EYA2: variants seen among roughly 807,000 people sequenced by gnomAD.
The protein encoded by EYA2 is EYA transcriptional coactivator and phosphatase 2.
Under a neutral mutation model 69.2 loss-of-function variants are expected in EYA2, and 31 were observed. The observed-to-expected ratio is 0.45, with a 90% CI of 0.34 to 0.60. The LOEUF (loss-of-function observed/expected upper bound fraction) is 0.60. Ranked by LOEUF, EYA2 falls within the 20% of genes least tolerant of loss-of-function variation. EYA2 has a pLI of 0.02. For missense variants in EYA2, 622 were observed against 701.2 expected, an observed-to-expected ratio of 0.89 and a Z score of 1.28; for synonymous variants, 257 against 279.4, an observed-to-expected ratio of 0.92 and a Z score of 0.80.
Position 47,061,212 on chromosome 20 carries a change from G to A in EYA2, c.416-10973G>A, listed in dbSNP as rs12480186. On this transcript the variant is annotated intron_variant, in intron 5 of 15. Coordinates refer to ENST00000327619, the MANE Select transcript of EYA2 (RefSeq NM_005244.5). ...TCTCTTGTCCTACCCCATTTCCCTA[G>A]CCTTGAAGAATTGCCCTCCTTTAAG... Among the ~76,000 whole-genome samples, 4 of 152,038 alleles carry A rather than the reference G, an allele frequency of 2.6e-5. No homozygotes were observed. In the South Asian group the frequency reaches 8.3e-4, roughly 32 times the overall value.
At chr20:47,026,773 TG>T (rs1984112445) in intron 5 of EYA2, among the ~76,000 whole-genome samples, 1 of 152,270 alleles carries the variant, frequency 6.6e-6, no homozygotes, top group East Asian at 1.9e-4. Context: ...CCACCAACGC[TG>T]GGGATAGTGG....
intron 1 of EYA2, among the ~76,000 whole-genome samples, chr20:46,956,465 C>T (rs1287629898): frequency 6.6e-6 from 1 of 152,198 alleles, no homozygotes; most frequent in Non-Finnish European, 1.5e-5. Flanking sequence ...ATGTGGTCAA[C>T]CAAGGGCCCA....
chr20:47,033,855 A>G lies in EYA2; in HGVS notation c.415+17558A>G, dbSNP rs549978531. ...GATCAACTTTGATTGCATTCAAGCC[A>G]GTGGGATATTGGGGATGTTTGTTAC... is the stretch of plus-strand genomic sequence containing the variant. On this transcript the variant is annotated intron_variant, in intron 5 of 15. Transcript: ENST00000327619. Among the ~76,000 whole-genome samples the G allele has an allele frequency of 5.3e-5, 8 of 152,348 alleles. No individual in the cohort carries two copies. The South Asian group carries it at 1.7e-3, about 32-fold the overall frequency.
At chr20:47,053,370 A>G (rs1308483626) in intron 5 of EYA2, among the ~76,000 whole-genome samples, 2 of 152,212 alleles carry the variant, frequency 1.3e-5, no homozygotes, top group Admixed American at 1.3e-4. Context: ...TCATTCATAA[A>G]AAGAGTAACA....
chr20:47,087,291 C>T (rs1339711741), intron 7 of EYA2, among the ~76,000 whole-genome samples: 2 of 152,180 alleles, frequency 1.3e-5, no homozygotes, highest in African/African-American at 4.8e-5. Flanking sequence ...AGGATTTTCC[C>T]CTGATGATCC....
intron 9 of EYA2, among the ~76,000 whole-genome samples, chr20:47,109,950 A>C (rs914594222): frequency 6.6e-6 from 1 of 152,182 alleles, no homozygotes; most frequent in Non-Finnish European, 1.5e-5. Flanking sequence ...TGACCGCTGC[A>C]TAGTCCCAGG....
intron 1 of EYA2, among the ~76,000 whole-genome samples, chr20:46,919,555 A>G (rs1985088222): frequency 6.6e-6 from 1 of 152,220 alleles, no homozygotes. Flanking sequence ...GCTTTCATAG[A>G]ATTGAAGAGA....
intron 1 of EYA2, among the ~76,000 whole-genome samples, chr20:46,907,704 T>C (rs1984430244): frequency 1.3e-5 from 2 of 152,096 alleles, no homozygotes; most frequent in African/African-American, 4.8e-5. Context: ...CCAGGTATGG[T>C]GGCCCGCATC....
intron 10 of EYA2, among the ~76,000 whole-genome samples, chr20:47,160,282 G>A (rs1379346040): frequency 6.6e-6 from 1 of 152,158 alleles, no homozygotes; most frequent in African/African-American, 2.4e-5. Context: ...TTTTGGCTTT[G>A]CACATCATAG....
At chr20:47,177,545 A>T (rs1362438470) in intron 12 of EYA2, among the ~76,000 whole-genome samples, 1 of 152,244 alleles carries the variant, frequency 6.6e-6, no homozygotes, top group Non-Finnish European at 1.5e-5. Flanking sequence ...CTCTGAGACA[A>T]AAAGAGTTTG....
At chr20:47,090,359 C>A (rs1003386029) in intron 8 of EYA2, among the ~76,000 whole-genome samples, 2 of 151,852 alleles carry the variant, frequency 1.3e-5, no homozygotes, top group African/African-American at 4.8e-5. Context: ...CTTGCCTCGG[C>A]CTCCTGAATA....
intron 1 of EYA2, among the ~76,000 whole-genome samples, chr20:46,904,829 C>T (rs555563418): frequency 1.3e-5 from 2 of 152,242 alleles, no homozygotes; most frequent in South Asian, 2.1e-4. Flanking sequence ...TTACAGATGG[C>T]GGATTGTATC....
At chr20:47,120,245 G>A (rs911963618) in intron 9 of EYA2, among the ~76,000 whole-genome samples, 15 of 151,848 alleles carry the variant, frequency 9.9e-5, no homozygotes, top group Admixed American at 2.6e-4. Context: ...GCATGGTGGC[G>A]TGTGCCTGTG....
intron 1 of EYA2, among the ~76,000 whole-genome samples, chr20:46,970,871 CT>C (rs923145797): frequency 1.1e-4 from 17 of 152,008 alleles, no homozygotes; most frequent in South Asian, 2.1e-4. Context: ...AAAAAAGGGT[CT>C]TTTTTTAGAG....
At chr20:47,084,963 G>A (rs907269934) in intron 7 of EYA2, among the ~76,000 whole-genome samples, 2 of 151,486 alleles carry the variant, frequency 1.3e-5, no homozygotes, top group African/African-American at 4.9e-5. Context: ...AGCCTCCTGA[G>A]TAGCTGGGAC....
At chr20:47,123,852 C>A (rs778874002) in intron 9 of EYA2, among the ~76,000 whole-genome samples, 3 of 151,934 alleles carry the variant, frequency 2.0e-5, no homozygotes, top group Admixed American at 6.6e-5. Flanking sequence ...ATTAGACAGA[C>A]CTGGTGGCAC....
At chr20:46,977,450 C>G (rs2146307678) in intron 1 of EYA2, among the ~76,000 whole-genome samples, 1 of 152,310 alleles carries the variant, frequency 6.6e-6, no homozygotes, top group East Asian at 1.9e-4. Flanking sequence ...ATGCCAACTT[C>G]AGGAGAGCAG....
At chr20:46,896,751 A>G (rs756372188) in intron 1 of EYA2, among the ~76,000 whole-genome samples, 16 of 152,254 alleles carry the variant, frequency 1.1e-4, no homozygotes, top group Non-Finnish European at 2.1e-4. Context: ...ATGTGGTTAG[A>G]TGCAAAAGAG....
intron 9 of EYA2, among the ~76,000 whole-genome samples, chr20:47,124,370 A>G (rs1040222257): frequency 6.6e-6 from 1 of 152,202 alleles, no homozygotes; most frequent in Non-Finnish European, 1.5e-5. Context: ...AGGGTGTGCT[A>G]TACATATAGT....
Sources: gnomAD v4.1 joint callset for allele counts (sites outside exome capture counted in the v4.1 genomes callset) on GRCh38, gnomAD v4.1.1 for gene constraint, MANE v1.5 for transcripts, NCBI Gene and HGNC (gene_info 2026-07-23, HGNC 2026-07-21) for gene names.